The following CFTR variants were observed in gnomAD, a reference collection of about 807,000 sequenced individuals.
CFTR encodes the protein cystic fibrosis transmembrane conductance regulator.
Under a neutral mutation model 171.6 loss-of-function variants are expected in CFTR, and 181 were observed. The ratio of observed to expected loss-of-function variants is 1.05; its 90% CI spans 0.93 to 1.19. CFTR has a LOEUF of 1.19. Ranked by LOEUF, CFTR falls within the 50% of genes most tolerant of loss-of-function variation. CFTR has a pLI of 0.00. For missense variants in CFTR, 1,968 were observed against 1,734.7 expected, an observed-to-expected ratio of 1.13 and a Z score of -2.39; for synonymous variants, 583 against 608.0, an observed-to-expected ratio of 0.96 and a Z score of 0.60.
chr7:117,481,907 A>G (rs1798005727), intron 1 of CFTR, among the ~76,000 whole-genome samples: 1 of 152,224 alleles, frequency 6.6e-6, no homozygotes, highest in Admixed American at 6.5e-5. Context: ...CTGTTGCCTG[A>G]GGCAGGTCCC....
intron 11 of CFTR, among the ~76,000 whole-genome samples, chr7:117,561,251 G>T (rs1170820373): frequency 6.6e-6 from 1 of 151,932 alleles, no homozygotes; most frequent in Non-Finnish European, 1.5e-5. Flanking sequence ...TGTGGTATGT[G>T]AATCATATAT....
chr7:117,614,528 T>G, intron 20 of CFTR, 85 bp from the exon 21 acceptor site: 1 of 847,330 alleles, frequency 1.2e-6, no homozygotes, highest in Non-Finnish European at 2.1e-6. Context: ...TAATGTGATA[T>G]GTGCCCTAGG....
chr7:117,547,373 A>C (rs1488541176), intron 9 of CFTR, among the ~76,000 whole-genome samples: 1 of 152,122 alleles, frequency 6.6e-6, no homozygotes, highest in African/African-American at 2.4e-5. Context: ...GTTTCAGTGC[A>C]TTCAATTTAT....
In CFTR at chr7:117,612,019, A is replaced by ATG. The variant is rs1554392372; in HGVS notation, c.3367+212_3367+213insGT. ...TCCTTGAAATCGGATATATATATAT[A>ATG]TATGTATATATATATATATATATAT... is the stretch of plus-strand genomic sequence containing the variant. On this transcript the variant is annotated intron_variant, in intron 20 of 26. Coordinates refer to ENST00000003084, the MANE Select transcript of CFTR (RefSeq NM_000492.4). 3.7e-3 allele frequency among the ~76,000 whole-genome samples: 165 copies of ATG among 44,862 alleles called. 1 individual carries two copies. In the South Asian group the frequency reaches 0.042, roughly 11 times the overall value. The allele number at this position is 44,862 out of a possible 152,430, so 29.4% of individuals were successfully genotyped here.
chr7:117,531,025 A>C lies in CFTR; in HGVS notation c.400A>C (p.Arg134=). ...GIGLCLLFIV[R]TLLLHPAIFG... is the part of the protein sequence containing the mutation. Reference sequence around the variant, plus strand: ...AGGCTTATGCCTTCTCTTTATTGTGAGGACACTGCTCCTACACCCAGCCAT... The same window carrying C: ...AGGCTTATGCCTTCTCTTTATTGTGCGGACACTGCTCCTACACCCAGCCAT... Residue 134 remains arginine (R), a synonymous_variant, in exon 4 of 27, where the codon AGG becomes CGG. Coordinates refer to ENST00000003084, the MANE Select transcript of CFTR (RefSeq NM_000492.4). The C allele has an allele frequency of 6.2e-7, 1 of 1,613,766 alleles. No homozygotes were observed. Among genetic ancestry groups the C allele is most frequent in the Non-Finnish European group, 8.5e-7 (1 of 1,179,828 alleles).
chr7:117,556,134 G>A (rs1291367248), intron 10 of CFTR, among the ~76,000 whole-genome samples: 1 of 151,954 alleles, frequency 6.6e-6, no homozygotes, highest in African/African-American at 2.4e-5. Context: ...GTGCGATCTC[G>A]GCTCACTGCA....
intron 17 of CFTR, among the ~76,000 whole-genome samples, chr7:117,604,222 G>A (rs1055083675): frequency 3.9e-5 from 6 of 152,102 alleles, no homozygotes; most frequent in African/African-American, 1.4e-4. Context: ...TCATGTAACT[G>A]CTCAAAGTTA....
chr7:117,646,924 A>G (rs1793003601), intron 23 of CFTR, among the ~76,000 whole-genome samples: 1 of 152,008 alleles, frequency 6.6e-6, no homozygotes, highest in African/African-American at 2.4e-5. Context: ...AAAAAGTTGT[A>G]GTATAAAAAG....
intron 2 of CFTR, among the ~76,000 whole-genome samples, chr7:117,505,651 T>C (rs2116636861): frequency 6.6e-6 from 1 of 152,298 alleles, no homozygotes; most frequent in Non-Finnish European, 1.5e-5. Context: ...GGGCCACTCA[T>C]AGTCTAGAAT....
chr7:117,647,040 G>C (rs1432173160), intron 23 of CFTR, among the ~76,000 whole-genome samples: 1 of 152,036 alleles, frequency 6.6e-6, no homozygotes, highest in Non-Finnish European at 1.5e-5. Context: ...TTCTCTATTT[G>C]TTACAAACCT....
Position 117,480,045 on chromosome 7 carries a change from G to A in CFTR, c.-50G>A. Reference sequence around the variant, plus strand: ...CCAGAGTAGTAGGTCTTTGGCATTAGGAGCTTGAGCCCAGACGGCCCTAGC... The same window carrying A: ...CCAGAGTAGTAGGTCTTTGGCATTAAGAGCTTGAGCCCAGACGGCCCTAGC... On this transcript the variant is annotated 5_prime_UTR_variant, in exon 1 of 27. Transcript: ENST00000003084. 6.4e-7 allele frequency: 1 copy of A among 1,573,742 alleles called. No individual in the cohort carries two copies. The highest frequency in any genetic ancestry group is 8.7e-7 in the Non-Finnish European group (1 of 1,143,576).
chr7:117,667,218 C>G lies in CFTR; in HGVS notation c.*110C>G. On this transcript the variant is annotated 3_prime_UTR_variant, in exon 27 of 27. Transcript: ENST00000003084. ...GAACAGTTACCTCTGCCTCAGAAAA[C>G]AAGGATGAATTAAGTTTTTTTTTAA... 1.0e-6 allele frequency: 1 copy of G among 1,004,654 alleles called. No individual in the cohort carries two copies. The highest frequency in any genetic ancestry group is 1.5e-6 in the Non-Finnish European group (1 of 654,922). The allele number at this position is 1,004,654 out of a possible 1,614,324, so 62.2% of individuals were successfully genotyped here. A position where few individuals can be genotyped will look rare whatever the true frequency, so the allele number is the denominator to read the frequency against.
chr7:117,536,868 A>G (rs142285107), intron 7 of CFTR, among the ~76,000 whole-genome samples, 195 bp downstream of exon 7: 3 of 152,196 alleles, frequency 2.0e-5, no homozygotes, highest in Non-Finnish European at 4.4e-5. Flanking sequence ...TAGTTGGTCC[A>G]GGGTGTTATT....
At chr7:117,583,477 A>T (rs1308706844) in intron 11 of CFTR, among the ~76,000 whole-genome samples, 1 of 152,192 alleles carries the variant, frequency 6.6e-6, no homozygotes, top group Non-Finnish European at 1.5e-5. Flanking sequence ...CTCTAGCTCC[A>T]TTCAAGTTGC....
intron 4 of CFTR, among the ~76,000 whole-genome samples, chr7:117,532,262 A>G (rs1798877398): frequency 6.6e-6 from 1 of 152,180 alleles, no homozygotes; most frequent in Admixed American, 6.5e-5. Flanking sequence ...TTGGCATATC[A>G]GAGAAGGTTG....
chr7:117,660,035 T>A (rs1793245236), intron 24 of CFTR, among the ~76,000 whole-genome samples: 1 of 152,166 alleles, frequency 6.6e-6, no homozygotes. Flanking sequence ...TAGACATTTT[T>A]TTTTTTTTAG....
At chr7:117,514,964 G>C (rs1798575606) in intron 3 of CFTR, among the ~76,000 whole-genome samples, 1 of 152,028 alleles carries the variant, frequency 6.6e-6, no homozygotes, top group Non-Finnish European at 1.5e-5. Context: ...CTTTTGTGAA[G>C]TGTCTGTTCA....
intron 21 of CFTR, among the ~76,000 whole-genome samples, chr7:117,617,216 G>A (rs1792504369): frequency 6.6e-6 from 1 of 151,110 alleles, no homozygotes; most frequent in Non-Finnish European, 1.5e-5. Flanking sequence ...ATCTGGCCTA[G>A]TTTAGACAAA....
rs1478450897 is a variant in CFTR at position 117,652,878 on chromosome 7, T to G, written c.3910T>G (p.Leu1304Val). 2.5e-6 allele frequency: 4 copies of G among 1,599,448 alleles called. No individual in the cohort carries two copies. Among genetic ancestry groups the G allele is most frequent in the East Asian group, 2.2e-5 (1 of 44,746 alleles). ...FIFSGTFRKN[L>V]DPYEQWSDQE... ...TTTTTCTGGAACATTTAGAAAAAAC[T>G]TGGATCCCTATGAACAGTGGAGTGA... Residue 1304 changes from leucine to valine, a missense_variant, in exon 24 of 27, where the codon TTG becomes GTG. Coordinates refer to ENST00000003084, the MANE Select transcript of CFTR (RefSeq NM_000492.4).
Sources: allele counts gnomAD v4.1 joint callset (sites outside exome capture counted in the v4.1 genomes callset), GRCh38; gene constraint gnomAD v4.1.1; transcripts MANE v1.5; gene names NCBI Gene and HGNC (gene_info 2026-07-23, HGNC 2026-07-21).